ARB2A: variants seen among roughly 807,000 people sequenced by gnomAD.
ARB2A encodes ARB2 cotranscriptional regulator A.
At chr5:93,869,316 T>G in the ARB2A span, among the ~76,000 whole-genome samples, 1 of 152,248 alleles carries the variant, frequency 6.6e-6, no homozygotes, top group African/African-American at 2.4e-5. Context: ...ATAACCAAAT[T>G]CAAATTGAGG....
the ARB2A span, among the ~76,000 whole-genome samples, chr5:94,052,834 C>T: frequency 6.6e-6 from 1 of 152,122 alleles, no homozygotes; most frequent in Non-Finnish European, 1.5e-5. Flanking sequence ...GAGTTGAACG[C>T]TCAAGGTTGA....
chr5:93,688,498 T>A, the ARB2A span, among the ~76,000 whole-genome samples: 1 of 152,220 alleles, frequency 6.6e-6, no homozygotes, highest in Non-Finnish European at 1.5e-5. Flanking sequence ...ACAAATAAAC[T>A]AAAACCTCTG....
At chr5:93,936,692 C>T in the ARB2A span, among the ~76,000 whole-genome samples, 6 of 152,176 alleles carry the variant, frequency 3.9e-5, no homozygotes, top group South Asian at 1.2e-3. Context: ...ACTTTGGATC[C>T]TAATTATATT....
At chr5:93,982,512 G>C in the ARB2A span, among the ~76,000 whole-genome samples, 2 of 152,176 alleles carry the variant, frequency 1.3e-5, no homozygotes, top group East Asian at 3.8e-4. Context: ...GTGTGTGCAT[G>C]TGCATGTGTC....
the ARB2A span, among the ~76,000 whole-genome samples, chr5:93,845,320 A>G: frequency 9.9e-5 from 15 of 152,226 alleles, no homozygotes; most frequent in Non-Finnish European, 1.6e-4. Flanking sequence ...GTTAACATAC[A>G]GGCTCCAGGG....
chr5:93,627,676 G>A, the ARB2A span, among the ~76,000 whole-genome samples: 12 of 152,016 alleles, frequency 7.9e-5, no homozygotes, highest in Admixed American at 2.0e-4. Context: ...TCCTGACCTC[G>A]TGATCTGCCC....
the ARB2A span, among the ~76,000 whole-genome samples, chr5:93,873,691 T>C: frequency 6.6e-6 from 1 of 152,166 alleles, no homozygotes; most frequent in East Asian, 1.9e-4. Flanking sequence ...ACTGCCTTAT[T>C]GAATTGTTAG....
the ARB2A span, among the ~76,000 whole-genome samples, chr5:94,050,551 A>T: frequency 6.6e-6 from 1 of 151,866 alleles, no homozygotes; most frequent in South Asian, 2.1e-4. Flanking sequence ...CTGAACAGGA[A>T]CTTTTAAACT....
chr5:93,700,502 GA>G, the ARB2A span, among the ~76,000 whole-genome samples: 8 of 148,084 alleles, frequency 5.4e-5, no homozygotes, highest in Non-Finnish European at 1.0e-4. Flanking sequence ...AAGGAATTTT[GA>G]AAAAAAAATG....
the ARB2A span, among the ~76,000 whole-genome samples, chr5:93,950,557 C>T: frequency 1.3e-5 from 2 of 151,926 alleles, no homozygotes; most frequent in Non-Finnish European, 2.9e-5. Context: ...GCATGAGAAT[C>T]GCTTGAACAT....
the ARB2A span, chr5:93,862,667 T>C: frequency 6.6e-6 from 1 of 152,184 alleles, no homozygotes; most frequent in Admixed American, 6.6e-5. Context: ...CACATGCATG[T>C]CTTTGTACAG....
At chr5:93,783,191 A>G in the ARB2A span, among the ~76,000 whole-genome samples, 1 of 152,252 alleles carries the variant, frequency 6.6e-6, no homozygotes, top group African/African-American at 2.4e-5. Flanking sequence ...TGAGCGGGGA[A>G]AAGTTACTAA....
chr5:93,773,020 T>C, the ARB2A span, among the ~76,000 whole-genome samples: 2 of 152,204 alleles, frequency 1.3e-5, no homozygotes, highest in Non-Finnish European at 2.9e-5. Context: ...AATATGGACT[T>C]TTCTCTAAAT....
the ARB2A span, among the ~76,000 whole-genome samples, chr5:93,815,928 A>G: frequency 1.3e-5 from 2 of 152,158 alleles, no homozygotes; most frequent in East Asian, 3.9e-4. Flanking sequence ...GCCAACCTCT[A>G]CAGCTGAAGT....
the ARB2A span, among the ~76,000 whole-genome samples, chr5:94,028,526 C>T: frequency 1.2e-4 from 18 of 152,236 alleles, no homozygotes; most frequent in Admixed American, 1.0e-3. Flanking sequence ...CAGAATTACC[C>T]AAGAACACTA....
At chr5:93,858,322 T>C in the ARB2A span, among the ~76,000 whole-genome samples, 5 of 152,232 alleles carry the variant, frequency 3.3e-5, no homozygotes, top group South Asian at 2.1e-4. Flanking sequence ...AAAGACCACA[T>C]TGTTTGCACA....
At chr5:94,079,372 T>C in the ARB2A span, among the ~76,000 whole-genome samples, 1 of 152,162 alleles carries the variant, frequency 6.6e-6, no homozygotes, top group African/African-American at 2.4e-5. Context: ...ATTATCTGAT[T>C]AGGTCATTGC....
At chr5:94,056,050 G>A in the ARB2A span, 1 of 471,842 alleles carries the variant, frequency 2.1e-6, no homozygotes, top group Non-Finnish European at 2.8e-6. Flanking sequence ...ATGAACTCAG[G>A]TAAAATGGCT....
chr5:93,664,797 G>A, the ARB2A span, among the ~76,000 whole-genome samples: 1 of 151,978 alleles, frequency 6.6e-6, no homozygotes, highest in Admixed American at 6.6e-5. Flanking sequence ...GCAGACTGAA[G>A]TCATCGTATC....
Sources: allele counts gnomAD v4.1 joint callset (sites outside exome capture counted in the v4.1 genomes callset), GRCh38; gene constraint gnomAD v4.1.1; transcripts MANE v1.5; gene names NCBI Gene and HGNC (gene_info 2026-07-23, HGNC 2026-07-21).